The following NRCAM variants were observed in gnomAD, a reference collection of about 807,000 sequenced individuals.
The protein encoded by NRCAM is NgCAM-related cell adhesion molecule.
A neutral mutation model predicts 156.5 loss-of-function variants in NRCAM; 83 were observed. The observed-to-expected ratio is 0.53, with a 90% CI of 0.44 to 0.64. The LOEUF (loss-of-function observed/expected upper bound fraction) is 0.64, where lower values mean the gene tolerates loss of function less well. Ranked by LOEUF, NRCAM falls within the 30% of genes least tolerant of loss-of-function variation. NRCAM has a pLI of 0.00. For missense variants in NRCAM, 1,417 were observed against 1,597.3 expected, an observed-to-expected ratio of 0.89 and a Z score of 1.92; for synonymous variants, 538 against 563.9, an observed-to-expected ratio of 0.95 and a Z score of 0.65.
intron 2 of NRCAM, among the ~76,000 whole-genome samples, chr7:108,383,118 CCA>C (rs1240660558): frequency 6.2e-5 from 8 of 128,606 alleles, no homozygotes; most frequent in East Asian, 2.9e-4. Context: ...CTGAGTCACA[CCA>C]CACACACACA....
At chr7:108,419,579 A>AC (rs1806451237) in intron 1 of NRCAM, among the ~76,000 whole-genome samples, 1 of 152,150 alleles carries the variant, frequency 6.6e-6, no homozygotes, top group African/African-American at 2.4e-5. Flanking sequence ...TATTATATGT[A>AC]CTCACAAACA....
chr7:108,166,270 C>T (rs1391722512), intron 30 of NRCAM, among the ~76,000 whole-genome samples: 10 of 133,092 alleles, frequency 7.5e-5, no homozygotes, highest in South Asian at 4.7e-4. Flanking sequence ...TTTTTTGAGA[C>T]GGAGTCTTAC....
chr7:108,334,986 C>G lies in NRCAM; in HGVS notation c.-173-22255G>C, dbSNP rs185179902. Among the ~76,000 whole-genome samples the G allele has an allele frequency of 3.1e-4, 47 of 152,126 alleles. No individual in the cohort carries two copies. In the East Asian group the frequency reaches 8.5e-3, roughly 27 times the overall value. ...TAATAAAAGGTAGCATTTGTTGAAC[C>G]CTTCTATCACTGTTTTAGGCATATT... On this transcript the variant is annotated intron_variant, in intron 2 of 32. Transcript: ENST00000379028.
At chr7:108,208,000 AT>A (rs1278789445) in intron 12 of NRCAM, among the ~76,000 whole-genome samples, 1 of 152,140 alleles carries the variant, frequency 6.6e-6, no homozygotes, top group African/African-American at 2.4e-5. Context: ...AGAAACACAA[AT>A]TTAAATTCTG....
chr7:108,383,343 T>G (rs2099710370), intron 2 of NRCAM, among the ~76,000 whole-genome samples: 1 of 152,236 alleles, frequency 6.6e-6, no homozygotes, highest in South Asian at 2.1e-4. Flanking sequence ...TGCATATTCA[T>G]GAGGACTGCT....
intron 3 of NRCAM, among the ~76,000 whole-genome samples, chr7:108,256,040 G>C (rs1284175957): frequency 6.9e-6 from 1 of 144,284 alleles, no homozygotes; most frequent in Admixed American, 6.8e-5. Context: ...CACCCCGTCC[G>C]GGAGGTGGGG....
intron 32 of NRCAM, among the ~76,000 whole-genome samples, chr7:108,153,132 A>T (rs2042743543): frequency 6.6e-6 from 1 of 152,156 alleles, no homozygotes; most frequent in Admixed American, 6.5e-5. Flanking sequence ...AAAACCAATA[A>T]GAATGCTTTA....
chr7:108,313,801 T>A (rs1004970547), intron 2 of NRCAM, among the ~76,000 whole-genome samples: 4 of 151,932 alleles, frequency 2.6e-5, no homozygotes, highest in Admixed American at 1.3e-4. Context: ...TTTCACTTTT[T>A]AAAAAAAACC....
intron 32 of NRCAM, among the ~76,000 whole-genome samples, chr7:108,158,863 T>A (rs2047089873): frequency 6.6e-6 from 1 of 152,152 alleles, no homozygotes; most frequent in Admixed American, 6.5e-5. Context: ...AGCACATAGG[T>A]TATATTAACA....
intron 2 of NRCAM, among the ~76,000 whole-genome samples, chr7:108,375,056 G>C (rs2099667795): frequency 1.3e-5 from 2 of 152,046 alleles, no homozygotes; most frequent in South Asian, 4.1e-4. Flanking sequence ...TAGAAGGCTA[G>C]CCACCCAGCC....
intron 3 of NRCAM, among the ~76,000 whole-genome samples, chr7:108,281,643 TA>T (rs745497989): frequency 2.7e-4 from 41 of 152,110 alleles, no homozygotes; most frequent in Non-Finnish European, 4.9e-4. Context: ...AAAGGCAGGG[TA>T]AAGCCCCAGT....
chr7:108,334,756 C>T (rs576592529), intron 2 of NRCAM, among the ~76,000 whole-genome samples: 11 of 152,152 alleles, frequency 7.2e-5, no homozygotes, highest in Non-Finnish European at 1.0e-4. Flanking sequence ...GAACAGGCTA[C>T]CAAACATCAC....
intron 3 of NRCAM, among the ~76,000 whole-genome samples, chr7:108,284,700 C>T (rs141151842): frequency 4.3e-4 from 65 of 152,264 alleles, no homozygotes; most frequent in African/African-American, 1.4e-3. Flanking sequence ...AAAGCTTATA[C>T]GGAACCGCAA....
At chr7:108,297,890 AAAG>A (rs746713649) in intron 3 of NRCAM, among the ~76,000 whole-genome samples, 11 of 152,188 alleles carry the variant, frequency 7.2e-5, no homozygotes, top group Non-Finnish European at 1.3e-4. Context: ...GCAAAGACCT[AAAG>A]AAGAAGCAGC....
intron 2 of NRCAM, among the ~76,000 whole-genome samples, chr7:108,343,085 C>T (rs529077321): frequency 6.6e-6 from 1 of 152,308 alleles, no homozygotes; most frequent in East Asian, 1.9e-4. Flanking sequence ...AACTTGTATA[C>T]TGATGGAAGT....
At chr7:108,299,105 C>CAAAAAAAAAAAAAAAAAAAAAA (rs1292917918) in intron 3 of NRCAM, among the ~76,000 whole-genome samples, 1 of 16,966 alleles carries the variant, frequency 5.9e-5, no homozygotes. Context: ...GACTCCATCT[C>CAAAAAAAAAAAAAAAAAAAAAA]AAAAAAAAAA....
chr7:108,190,621 G>C (rs2070725750), intron 19 of NRCAM, among the ~76,000 whole-genome samples: 1 of 152,132 alleles, frequency 6.6e-6, no homozygotes, highest in African/African-American at 2.4e-5. Context: ...ACTGAATAAA[G>C]ATGAAGGTTC....
At chr7:108,184,913 G>A (rs551655616) in intron 20 of NRCAM, among the ~76,000 whole-genome samples, 1 of 150,758 alleles carries the variant, frequency 6.6e-6, no homozygotes, top group Admixed American at 6.6e-5. Flanking sequence ...GGGATATATG[G>A]ATTAATTCTA....
chr7:108,375,817 G>C (rs921678345), intron 2 of NRCAM, among the ~76,000 whole-genome samples: 12 of 152,128 alleles, frequency 7.9e-5, no homozygotes, highest in Non-Finnish European at 1.5e-4. Context: ...AATGTCATCT[G>C]TCCAGTCTCT....
Sources: gnomAD v4.1 joint callset for allele counts (sites outside exome capture counted in the v4.1 genomes callset) on GRCh38, gnomAD v4.1.1 for gene constraint, MANE v1.5 for transcripts, NCBI Gene and HGNC (gene_info 2026-07-23, HGNC 2026-07-21) for gene names.